PARD3B: variants seen among roughly 807,000 people sequenced by gnomAD.
PARD3B encodes the protein par-3 family cell polarity regulator beta.
A neutral mutation model predicts 130.2 loss-of-function variants in PARD3B; 103 were observed. The observed-to-expected ratio is 0.79, with a 90% confidence interval of 0.67 to 0.93. The LOEUF (loss-of-function observed/expected upper bound fraction) is 0.93. Ranked by LOEUF, PARD3B falls within the 40% of genes least tolerant of loss-of-function variation. The pLI is 0.00. For synonymous variants in PARD3B, 583 were observed against 553.2 expected (o/e 1.05, Z -0.76); for missense variants, 1,609 against 1,499.2 (o/e 1.07, Z -1.21).
chr2:205,264,084 A>G (rs907519242), intron 16 of PARD3B, among the ~76,000 whole-genome samples: 1 of 151,044 alleles, frequency 6.6e-6, no homozygotes, highest in Non-Finnish European at 1.5e-5. Context: ...CTTTGAGGCT[A>G]GAAGATCAGA....
chr2:205,373,087 A>G (rs536330613), intron 18 of PARD3B, among the ~76,000 whole-genome samples: 1 of 152,318 alleles, frequency 6.6e-6, no homozygotes, highest in East Asian at 1.9e-4. Flanking sequence ...TTCTGAATGA[A>G]ATCCTTTGTC....
At chr2:205,171,885 T>A (rs141070226) in intron 11 of PARD3B, among the ~76,000 whole-genome samples, 2 of 152,316 alleles carry the variant, frequency 1.3e-5, no homozygotes, top group East Asian at 3.9e-4. Flanking sequence ...CAACATGGTC[T>A]CCGCCAGAGC....
chr2:205,481,478 G>A (rs76737131), intron 20 of PARD3B, among the ~76,000 whole-genome samples: 1 of 152,284 alleles, frequency 6.6e-6, no homozygotes, highest in East Asian at 1.9e-4. Flanking sequence ...TAGCTGCCAT[G>A]CTGCTATGAA....
At chr2:204,886,042 A>G (rs1157132945) in intron 2 of PARD3B, among the ~76,000 whole-genome samples, 2 of 152,134 alleles carry the variant, frequency 1.3e-5, no homozygotes, top group Admixed American at 6.5e-5. Context: ...TCAGTTTCCC[A>G]TCGTTATTTT....
At chr2:204,828,475 T>C (rs764776534) in intron 2 of PARD3B, among the ~76,000 whole-genome samples, 7 of 152,176 alleles carry the variant, frequency 4.6e-5, no homozygotes, top group Non-Finnish European at 5.9e-5. Flanking sequence ...TATTCGCAGC[T>C]AGACTTGAGA....
chr2:204,786,422 C>A (rs2042012521), intron 2 of PARD3B, among the ~76,000 whole-genome samples: 1 of 151,994 alleles, frequency 6.6e-6, no homozygotes, highest in Admixed American at 6.6e-5. Flanking sequence ...AGCATGTCTT[C>A]TGTTTGCTTG....
intron 2 of PARD3B, among the ~76,000 whole-genome samples, chr2:204,783,040 C>G (rs1418069767): frequency 6.6e-6 from 1 of 152,050 alleles, no homozygotes; most frequent in Non-Finnish European, 1.5e-5. Context: ...AATTTGAATT[C>G]AACAGGAAGT....
chr2:205,561,171 C>T (rs1245013647), intron 22 of PARD3B, among the ~76,000 whole-genome samples: 2 of 152,098 alleles, frequency 1.3e-5, no homozygotes, highest in Admixed American at 1.3e-4. Flanking sequence ...AGATGCTCTC[C>T]CTCTCAGATT....
In PARD3B at chr2:205,015,591, A is replaced by T. The variant is rs1696083580; in HGVS notation, c.395-31990A>T. Reference sequence around the variant, plus strand: ...GGGAATTGAGTGAGTGAACTAATGAAATGAATGAATCAATGAATGAGTAAA... The same window carrying T: ...GGGAATTGAGTGAGTGAACTAATGATATGAATGAATCAATGAATGAGTAAA... On this transcript the variant is annotated intron_variant, in intron 3 of 22. Coordinates refer to ENST00000406610, the MANE Select transcript of PARD3B (RefSeq NM_001302769.2). This position sits in a 1 kb window ranked among gnomAD's most constrained non-coding sequence, Gnocchi z 4.5. Among the ~76,000 whole-genome samples, 1 of 152,212 alleles carries T rather than the reference A, an allele frequency of 6.6e-6. No individual in the cohort carries two copies. The highest frequency in any genetic ancestry group is 2.4e-5 in the African/African-American group (1 of 41,456).
At chr2:205,478,439 G>A (rs2049104454) in intron 20 of PARD3B, among the ~76,000 whole-genome samples, 1 of 152,172 alleles carries the variant, frequency 6.6e-6, no homozygotes, top group South Asian at 2.1e-4. Flanking sequence ...TACATTGTCT[G>A]CTGGATGGAC....
At chr2:204,813,303 A>G (rs1027551654) in intron 2 of PARD3B, among the ~76,000 whole-genome samples, 5 of 152,008 alleles carry the variant, frequency 3.3e-5, no homozygotes, top group African/African-American at 1.2e-4. Flanking sequence ...CTTTTTATGT[A>G]CTTCTTTGCC....
intron 15 of PARD3B, among the ~76,000 whole-genome samples, chr2:205,227,708 A>T (rs1574448939): frequency 6.6e-6 from 1 of 150,676 alleles, no homozygotes. Context: ...GTAAGGTCTT[A>T]CTCTTGCCAT....
chr2:204,759,873 G>T (rs1461569709), intron 2 of PARD3B, among the ~76,000 whole-genome samples: 1 of 151,936 alleles, frequency 6.6e-6, no homozygotes, highest in Admixed American at 6.6e-5. Context: ...CTCTTGTCTG[G>T]TCTAATGTAA....
chr2:204,554,243 C>T (rs765440043), intron 1 of PARD3B, among the ~76,000 whole-genome samples: 12 of 152,004 alleles, frequency 7.9e-5, no homozygotes, highest in Non-Finnish European at 1.6e-4. Context: ...AATGTGGTTC[C>T]AAATACCACT....
Position 205,071,006 on chromosome 2 carries a change from A to C in PARD3B, c.504+23316A>C, listed in dbSNP as rs892236212. Among the ~76,000 whole-genome samples, 5 of 152,162 alleles carry C rather than the reference A, an allele frequency of 3.3e-5. No individual in the cohort carries two copies. The East Asian group carries it at 9.6e-4, about 29-fold the overall frequency. On this transcript the variant is annotated intron_variant, in intron 4 of 22. Coordinates refer to ENST00000406610, the MANE Select transcript of PARD3B (RefSeq NM_001302769.2). ...AGTGCATACTGTTAATGTAAAAAAA[A>C]AAACCACTTAATTTGGGGTTTTAAA...
At chr2:204,951,150 A>G (rs1689732378) in intron 2 of PARD3B, among the ~76,000 whole-genome samples, 2 of 152,220 alleles carry the variant, frequency 1.3e-5, no homozygotes, top group African/African-American at 2.4e-5. Flanking sequence ...TTCCATGCTT[A>G]TAAGAGGCCC....
chr2:204,605,641 C>T lies in PARD3B; in HGVS notation c.120+59522C>T, dbSNP rs140765905. Reference sequence around the variant, plus strand: ...ATATCATGAACTCTAGAGTGAGACTCTCTGGGTTCGTGTCTTGGTTTTGCG... The same window carrying T: ...ATATCATGAACTCTAGAGTGAGACTTTCTGGGTTCGTGTCTTGGTTTTGCG... On this transcript the variant is annotated intron_variant, in intron 1 of 22. Transcript: ENST00000406610. Among the ~76,000 whole-genome samples the T allele has an allele frequency of 7.9e-5, 12 of 152,194 alleles. No homozygotes were observed. The East Asian group carries it at 1.2e-3, about 15-fold the overall frequency.
At chr2:205,444,327 A>C (rs1575039696) in intron 20 of PARD3B, among the ~76,000 whole-genome samples, 1 of 151,872 alleles carries the variant, frequency 6.6e-6, no homozygotes, top group African/African-American at 2.4e-5. Context: ...GGTGGTATGC[A>C]CCTGTAGTCC....
At chr2:204,667,424 A>G (rs893967274) in intron 1 of PARD3B, among the ~76,000 whole-genome samples, 4 of 152,100 alleles carry the variant, frequency 2.6e-5, no homozygotes, top group African/African-American at 9.7e-5. Context: ...CTCCATGCAT[A>G]TAACTTACCA....
Sources: gnomAD v4.1 joint callset for allele counts (sites outside exome capture counted in the v4.1 genomes callset) on GRCh38, gnomAD v4.1.1 for gene constraint, Gnocchi (gnomAD v3.1) non-coding constraint, MANE v1.5 for transcripts, NCBI Gene and HGNC (gene_info 2026-07-23, HGNC 2026-07-21) for gene names.